PSMG4: variants seen among roughly 807,000 people sequenced by gnomAD.
PSMG4 encodes proteasome (prosome, macropain) assembly chaperone 4.
In PSMG4, 10 loss-of-function variants were observed where a neutral mutation model predicts 11.0. That is an observed-to-expected ratio of 0.91 (90% CI 0.56 to 1.54). PSMG4 has a LOEUF of 1.54. Ranked by LOEUF, PSMG4 falls within the 40% of genes most tolerant of loss-of-function variation. The probability of loss-of-function intolerance (pLI) is 0.00; values close to 1 mark genes in which losing one functional copy is unlikely to be tolerated. For synonymous variants in PSMG4, 95 were observed against 71.3 expected (o/e 1.33, Z -1.68); for missense variants, 198 against 160.9 (o/e 1.23, Z -1.25).
upstream of PSMG4, chr6:3,255,049 A>G (rs1265149791): frequency 7.7e-6 from 12 of 1,550,526 alleles, no homozygotes; most frequent in East Asian, 7.3e-5. Flanking sequence ...TTCTCTGGAC[A>G]GGAACAAACA....
intron 1 of PSMG4, among the ~76,000 whole-genome samples, chr6:3,262,954 C>G (rs4316041): frequency 0.68 from 103,938 of 151,960 alleles, 38,539 homozygotes; most frequent in Non-Finnish European, 0.83. Flanking sequence ...TGCTGGGATT[C>G]TGGGACTAGC....
chr6:3,255,592 G>C (rs78958137), upstream of PSMG4, among the ~76,000 whole-genome samples: 1 of 152,170 alleles, frequency 6.6e-6, no homozygotes, highest in Non-Finnish European at 1.5e-5. Flanking sequence ...CAGACCCACT[G>C]CCTGAGTGAG....
upstream of PSMG4, among the ~76,000 whole-genome samples, chr6:3,256,761 A>T (rs915113203): frequency 6.6e-6 from 1 of 152,242 alleles, no homozygotes; most frequent in African/African-American, 2.4e-5. Flanking sequence ...GTTGTTCTGC[A>T]CTGGGGCAAA....
chr6:3,267,543 CCTG>C, intron 2 of PSMG4, 45 bp from the exon 3 acceptor site: 1 of 1,543,234 alleles, frequency 6.5e-7, no homozygotes, highest in Non-Finnish European at 8.8e-7. Context: ...GAACACGGGG[CCTG>C]CAGTATTTCA....
upstream of PSMG4, chr6:3,255,276 C>G (rs774398724): frequency 1.9e-5 from 29 of 1,539,434 alleles, no homozygotes; most frequent in East Asian, 5.9e-4. Flanking sequence ...GGCTGTCTTA[C>G]GGGTCTATCG....
upstream of PSMG4, chr6:3,255,231 T>C (rs993394759): frequency 1.3e-6 from 2 of 1,549,472 alleles, no homozygotes; most frequent in Non-Finnish European, 1.7e-6. Flanking sequence ...TCAACTCTGG[T>C]AAGCCTTCCA....
intron 1 of PSMG4, among the ~76,000 whole-genome samples, chr6:3,260,719 T>C (rs1237990612): frequency 6.6e-6 from 1 of 152,216 alleles, no homozygotes; most frequent in Non-Finnish European, 1.5e-5. Context: ...AGGTTAGGAC[T>C]TCAACATATT....
At chr6:3,266,326 C>A (rs4337973) in intron 2 of PSMG4, 1 of 152,076 alleles carries the variant, frequency 6.6e-6, no homozygotes, top group African/African-American at 2.4e-5. Flanking sequence ...GATCCCATGA[C>A]GTGTGTTCTA....
intron 1 of PSMG4, among the ~76,000 whole-genome samples, chr6:3,261,010 G>C (rs1424084230): frequency 6.6e-6 from 1 of 152,102 alleles, no homozygotes; most frequent in Admixed American, 6.5e-5. Context: ...CAGGGTGAGC[G>C]TCTGTTTCTC....
At chr6:3,256,376 T>G (rs923470304), upstream of PSMG4, among the ~76,000 whole-genome samples, 2 of 152,230 alleles carry the variant, frequency 1.3e-5, no homozygotes, top group Non-Finnish European at 2.9e-5. Flanking sequence ...TTATTTTCTG[T>G]TCCTGTATGG....
intron 2 of PSMG4, chr6:3,265,652 C>G (rs1309290052): frequency 2.2e-5 from 1 of 45,918 alleles, no homozygotes; most frequent in Admixed American, 2.1e-4. Context: ...TACCACACTG[C>G]CTGCCTTTAG....
At chr6:3,264,091 C>T (rs1413478903) in intron 2 of PSMG4, 3 of 1,487,568 alleles carry the variant, frequency 2.0e-6, no homozygotes, top group Non-Finnish European at 2.7e-6. Context: ...GCCCACAGCC[C>T]CTGTGGGTGG....
chr6:3,255,394 A>G (rs189154381), upstream of PSMG4, among the ~76,000 whole-genome samples: 12 of 152,314 alleles, frequency 7.9e-5, no homozygotes, highest in East Asian at 2.3e-3. Flanking sequence ...GAGTGATAAC[A>G]TGACAAGGAT....
At chr6:3,260,979 G>T (rs1757969565) in intron 1 of PSMG4, among the ~76,000 whole-genome samples, 1 of 152,128 alleles carries the variant, frequency 6.6e-6, no homozygotes, top group Non-Finnish European at 1.5e-5. Flanking sequence ...AGTGTTTCAC[G>T]GTGAGGTTTG....
chr6:3,267,225 G>A (rs1758225267), intron 2 of PSMG4: 1 of 165,040 alleles, frequency 6.1e-6, no homozygotes, highest in Non-Finnish European at 1.3e-5. Flanking sequence ...GTAGGGCAGA[G>A]GTTCTTAAGC....
intron 2 of PSMG4, chr6:3,264,537 G>T: frequency 1.1e-6 from 1 of 951,912 alleles, no homozygotes; most frequent in Non-Finnish European, 1.5e-6. Flanking sequence ...CGAATAGCAT[G>T]GCACCTGGCC....
At chr6:3,257,242 C>G (rs754996442), upstream of PSMG4, among the ~76,000 whole-genome samples, 4 of 152,120 alleles carry the variant, frequency 2.6e-5, no homozygotes, top group Non-Finnish European at 5.9e-5. Flanking sequence ...AGGACGCTGT[C>G]TAGGGACTGC....
At chr6:3,264,289 ACT>A in intron 2 of PSMG4, 2 of 1,551,092 alleles carry the variant, frequency 1.3e-6, no homozygotes, top group Non-Finnish European at 1.7e-6. Flanking sequence ...TGAATGCTCC[ACT>A]CTTCCCACAC....
upstream of PSMG4, among the ~76,000 whole-genome samples, chr6:3,254,724 A>G (rs1347855069): frequency 9.2e-5 from 14 of 152,204 alleles, no homozygotes; most frequent in Non-Finnish European, 1.5e-5. Flanking sequence ...GACACCAGAA[A>G]AAACAAACTC....
Sources: gnomAD v4.1 joint callset for allele counts (sites outside exome capture counted in the v4.1 genomes callset) on GRCh38, gnomAD v4.1.1 for gene constraint, MANE v1.5 for transcripts, NCBI Gene and HGNC (gene_info 2026-07-23, HGNC 2026-07-21) for gene names.